SCAPER: variants seen among roughly 807,000 people sequenced by gnomAD.
The protein encoded by SCAPER is S-phase cyclin A associated protein in the ER.
SCAPER carries 98 observed loss-of-function variants against 182.2 expected under a neutral mutation model. The ratio of observed to expected loss-of-function variants is 0.54; its 90% confidence interval spans 0.46 to 0.64. The LOEUF is 0.64. Ranked by LOEUF, SCAPER falls within the 30% of genes least tolerant of loss-of-function variation. The pLI is 0.00. For synonymous variants in SCAPER, 605 were observed against 564.6 expected (o/e 1.07, Z -1.01); for missense variants, 1,432 against 1,690.0 (o/e 0.85, Z 2.68).
chr15:76,724,832 T>G (rs1007536180), intron 17 of SCAPER, among the ~76,000 whole-genome samples: 4 of 152,140 alleles, frequency 2.6e-5, no homozygotes, highest in African/African-American at 9.7e-5. Flanking sequence ...TTCGTCTAAT[T>G]TTTTTTCAAA....
chr15:76,753,747 T>C (rs745458979), intron 15 of SCAPER, 61 bp downstream of exon 15: 26 of 1,533,164 alleles, frequency 1.7e-5, no homozygotes, highest in Admixed American at 9.1e-5. Flanking sequence ...ATTACTATTA[T>C]ATAACAATTC....
intron 20 of SCAPER, among the ~76,000 whole-genome samples, chr15:76,681,196 A>G (rs2057682704): frequency 6.6e-6 from 1 of 152,228 alleles, no homozygotes; most frequent in Admixed American, 6.5e-5. Flanking sequence ...TGTAATACAC[A>G]TTTCTAAGAA....
At chr15:76,409,013 G>A (rs999510264) in intron 26 of SCAPER, among the ~76,000 whole-genome samples, 12 of 152,104 alleles carry the variant, frequency 7.9e-5, no homozygotes, top group Non-Finnish European at 1.6e-4. Flanking sequence ...TCTGAGTATC[G>A]TCTCCTATAG....
intron 5 of SCAPER, among the ~76,000 whole-genome samples, chr15:76,825,890 G>A (rs979410408): frequency 6.6e-6 from 1 of 152,030 alleles, no homozygotes; most frequent in Non-Finnish European, 1.5e-5. Context: ...GACTATAGAC[G>A]CACACCACCA....
At chr15:76,669,851 A>T (rs1254422076) in intron 20 of SCAPER, among the ~76,000 whole-genome samples, 3 of 152,208 alleles carry the variant, frequency 2.0e-5, no homozygotes, top group African/African-American at 4.8e-5. Context: ...ATTCTAAATG[A>T]TATCTTCAGT....
intron 20 of SCAPER, among the ~76,000 whole-genome samples, chr15:76,680,794 ATGTGC>A (rs2057660083): frequency 6.6e-6 from 1 of 152,124 alleles, no homozygotes; most frequent in African/African-American, 2.4e-5. Context: ...GGACCTCACT[ATGTGC>A]TCAATCTTAA....
chr15:76,768,715 C>A (rs1020798479), intron 10 of SCAPER, among the ~76,000 whole-genome samples: 1 of 151,840 alleles, frequency 6.6e-6, no homozygotes, highest in Non-Finnish European at 1.5e-5. Context: ...CAGTTACAGT[C>A]AGTGATTTCA....
chr15:76,621,616 C>G, intron 22 of SCAPER, 148 bp downstream of exon 22: 1 of 673,584 alleles, frequency 1.5e-6, no homozygotes, highest in Non-Finnish European at 2.5e-6. Flanking sequence ...GCCAACTCTC[C>G]TCTAGTTGGA....
chr15:76,473,742 C>T (rs936107900), intron 24 of SCAPER, among the ~76,000 whole-genome samples: 7 of 152,086 alleles, frequency 4.6e-5, no homozygotes, highest in African/African-American at 7.2e-5. Context: ...CCACTGCTCT[C>T]GGATAGGGGT....
Position 76,763,695 on chromosome 15 carries a change from G to C in SCAPER, c.1725+1266C>G, listed in dbSNP as rs902617389. Among the ~76,000 whole-genome samples the C allele has an allele frequency of 2.6e-5, 4 of 152,028 alleles. No individual in the cohort carries two copies. In the South Asian group the frequency reaches 8.3e-4, roughly 32 times the overall value. On this transcript the variant is annotated intron_variant, in intron 14 of 31. Transcript: ENST00000563290. Reference sequence around the variant, plus strand: ...CTTACTGGGTAATTCCAAATGACCTGTTTTCAAGTTCTCTTGATTCTTTCT... The same window carrying C: ...CTTACTGGGTAATTCCAAATGACCTCTTTTCAAGTTCTCTTGATTCTTTCT...
intron 22 of SCAPER, among the ~76,000 whole-genome samples, chr15:76,585,719 A>G (rs2048603124): frequency 6.6e-6 from 1 of 152,168 alleles, no homozygotes; most frequent in South Asian, 2.1e-4. Context: ...TGCTTTGGTA[A>G]TTTGAGCTAC....
chr15:76,486,299 G>T (rs543564982), intron 24 of SCAPER, among the ~76,000 whole-genome samples: 1 of 152,214 alleles, frequency 6.6e-6, no homozygotes, highest in South Asian at 2.1e-4. Context: ...CAGGGCATAG[G>T]CATGGGCAAA....
chr15:76,495,186 T>G (rs1300863117), intron 24 of SCAPER, among the ~76,000 whole-genome samples: 3 of 152,130 alleles, frequency 2.0e-5, no homozygotes, highest in African/African-American at 7.2e-5. Flanking sequence ...GAGCAATTTT[T>G]TCTTAATACG....
chr15:76,350,302 T>C (rs1223599745), intron 31 of SCAPER: 2 of 152,018 alleles, frequency 1.3e-5, no homozygotes, highest in Non-Finnish European at 2.9e-5. Flanking sequence ...TTTCATGATA[T>C]TGTAATAGCT....
At chr15:76,355,377 C>G (rs193058847) in intron 29 of SCAPER, among the ~76,000 whole-genome samples, 382 of 152,336 alleles carry the variant, frequency 2.5e-3, no homozygotes, top group Admixed American at 4.6e-3. Context: ...CAGCACATGG[C>G]TATGTGCTGC....
chr15:76,901,178 T>C (rs1192163911), intron 1 of SCAPER, among the ~76,000 whole-genome samples: 1 of 152,140 alleles, frequency 6.6e-6, no homozygotes, highest in African/African-American at 2.4e-5. Flanking sequence ...TGCAGTAAGC[T>C]GAGATCGCAC....
intron 26 of SCAPER, among the ~76,000 whole-genome samples, chr15:76,420,630 T>A (rs534977033): frequency 2.2e-4 from 34 of 152,344 alleles, no homozygotes; most frequent in South Asian, 1.7e-3. Flanking sequence ...AAGACTTTTT[T>A]AAAATTATAC....
At chr15:76,621,965 T>G (rs1294961774) in intron 21 of SCAPER, 136 bp from the exon 22 acceptor site, 3 of 605,232 alleles carry the variant, frequency 5.0e-6, no homozygotes, top group Non-Finnish European at 5.8e-6. Flanking sequence ...GCTGACTACC[T>G]ATGTACCTCA....
chr15:76,425,048 A>G (rs892884687), intron 26 of SCAPER, among the ~76,000 whole-genome samples: 4 of 152,088 alleles, frequency 2.6e-5, no homozygotes, highest in African/African-American at 9.7e-5. Flanking sequence ...GCTGCCCTTA[A>G]CATTCTTCCC....
Sources: allele counts gnomAD v4.1 joint callset (sites outside exome capture counted in the v4.1 genomes callset), GRCh38; gene constraint gnomAD v4.1.1; transcripts MANE v1.5; gene names NCBI Gene and HGNC (gene_info 2026-07-23, HGNC 2026-07-21).